The following KCNK9 variants were observed in gnomAD, a reference collection of about 807,000 sequenced individuals.
KCNK9 encodes potassium two pore domain channel subfamily K member 9.
Under a neutral mutation model 10.8 loss-of-function variants are expected in KCNK9, and 1 was observed. That is an observed-to-expected ratio of 0.09 (90% CI 0.03 to 0.44). KCNK9 has a LOEUF of 0.44. KCNK9 is among the 20% of genes least tolerant of loss of function. The pLI is 0.97. For missense variants in KCNK9, 303 were observed against 515.0 expected (o/e 0.59, Z 3.98); for synonymous variants, 231 against 222.7 (o/e 1.04, Z -0.33).
At chr8:139,636,306 C>T (rs1469529444) in intron 1 of KCNK9, among the ~76,000 whole-genome samples, 2 of 152,226 alleles carry the variant, frequency 1.3e-5, no homozygotes, top group Non-Finnish European at 2.9e-5. Context: ...CTGAGATGCC[C>T]GCCCTCTTCT....
intron 1 of KCNK9, among the ~76,000 whole-genome samples, chr8:139,691,654 A>G (rs1816935275): frequency 1.3e-5 from 2 of 152,238 alleles, no homozygotes; most frequent in African/African-American, 4.8e-5. Context: ...GCATGGTTCA[A>G]TAATTAAGTG....
exon 3 of KCNK9, chr8:139,601,284 G>C (rs1006056395): frequency 3.9e-5 from 6 of 152,208 alleles, no homozygotes; most frequent in Admixed American, 3.9e-4. Flanking sequence ...CCTTTAAGAG[G>C]TTGTCTGGGC....
intron 1 of KCNK9, among the ~76,000 whole-genome samples, chr8:139,639,404 C>T (rs976095487): frequency 2.6e-5 from 4 of 152,230 alleles, no homozygotes; most frequent in Non-Finnish European, 5.9e-5. Flanking sequence ...GTGCCTGGCA[C>T]GCTGTCTGGC....
intron 1 of KCNK9, among the ~76,000 whole-genome samples, chr8:139,623,772 G>A (rs1814870263): frequency 6.6e-6 from 1 of 152,128 alleles, no homozygotes; most frequent in African/African-American, 2.4e-5. Flanking sequence ...TCATCATAAA[G>A]GGGTCACTTA....
intron 1 of KCNK9, among the ~76,000 whole-genome samples, chr8:139,649,095 G>A (rs542312102): frequency 2.0e-5 from 3 of 152,208 alleles, no homozygotes; most frequent in East Asian, 1.9e-4. Flanking sequence ...CCCCGACGCC[G>A]TGGCCTCCCC....
At chr8:139,607,981 G>A (rs1192876573), downstream of KCNK9, among the ~76,000 whole-genome samples, 4 of 152,202 alleles carry the variant, frequency 2.6e-5, no homozygotes, top group Non-Finnish European at 5.9e-5. Flanking sequence ...TGCTTAGGAA[G>A]GCCCCTGATG....
chr8:139,628,737 G>A (rs769956620), intron 1 of KCNK9, among the ~76,000 whole-genome samples: 4 of 152,166 alleles, frequency 2.6e-5, no homozygotes, highest in African/African-American at 7.2e-5. Flanking sequence ...TGCCTTAAGG[G>A]GGGAAATGGA....
intron 1 of KCNK9, among the ~76,000 whole-genome samples, chr8:139,631,081 G>T (rs1357061673): frequency 6.6e-6 from 1 of 152,240 alleles, no homozygotes; most frequent in East Asian, 1.9e-4. Flanking sequence ...GCAGGGACAC[G>T]GCCCCGGGTG....
chr8:139,615,415 C>G (rs143006160), downstream of KCNK9, among the ~76,000 whole-genome samples: 1 of 152,032 alleles, frequency 6.6e-6, no homozygotes, highest in Non-Finnish European at 1.5e-5. Context: ...AAGAAAGAAC[C>G]CTGAACCCTT....
chr8:139,610,878 C>T (rs1283252884), downstream of KCNK9, among the ~76,000 whole-genome samples: 1 of 152,248 alleles, frequency 6.6e-6, no homozygotes, highest in African/African-American at 2.4e-5. Context: ...TCATGTCTCC[C>T]AAGAGTGGCA....
intron 1 of KCNK9, among the ~76,000 whole-genome samples, chr8:139,633,126 C>A (rs1815227219): frequency 6.6e-6 from 1 of 151,486 alleles, no homozygotes; most frequent in African/African-American, 2.5e-5. Flanking sequence ...GGTACATACA[C>A]ACAGGCACTC....
intron 1 of KCNK9, among the ~76,000 whole-genome samples, chr8:139,659,889 G>A (rs1453804253): frequency 6.6e-6 from 1 of 151,918 alleles, no homozygotes; most frequent in Non-Finnish European, 1.5e-5. Context: ...CAAGAAAGGG[G>A]AGATAAGATA....
intron 1 of KCNK9, among the ~76,000 whole-genome samples, chr8:139,692,776 C>G (rs549410110): frequency 6.6e-6 from 1 of 152,218 alleles, no homozygotes; most frequent in Non-Finnish European, 1.5e-5. Flanking sequence ...TCAGCTCCCC[C>G]CCACGTCCAA....
intron 2 of KCNK9, among the ~76,000 whole-genome samples, chr8:139,603,363 TCA>T (rs549230496): frequency 6.2e-4 from 94 of 152,260 alleles, no homozygotes; most frequent in African/African-American, 2.3e-3. Flanking sequence ...GGTGTCCTGA[TCA>T]CACAGAGTTC....
At chr8:139,633,480 T>G (rs1815237000) in intron 1 of KCNK9, among the ~76,000 whole-genome samples, 1 of 152,144 alleles carries the variant, frequency 6.6e-6, no homozygotes, top group African/African-American at 2.4e-5. Flanking sequence ...GACACACGAC[T>G]AATAGGTGGC....
chr8:139,639,392 G>A (rs1323278886), intron 1 of KCNK9, among the ~76,000 whole-genome samples: 2 of 152,246 alleles, frequency 1.3e-5, no homozygotes, highest in Non-Finnish European at 2.9e-5. Flanking sequence ...CATTTTGCAA[G>A]TGTGCCTGGC....
intron 1 of KCNK9, among the ~76,000 whole-genome samples, chr8:139,625,972 C>A (rs1025999913): frequency 3.3e-5 from 5 of 152,154 alleles, no homozygotes; most frequent in African/African-American, 1.2e-4. Context: ...AGCATTATTT[C>A]ACTTAAAGAT....
intron 1 of KCNK9, among the ~76,000 whole-genome samples, chr8:139,637,760 TACACACACAC>T (rs34018499): frequency 1.4e-5 from 2 of 146,096 alleles, no homozygotes; most frequent in African/African-American, 2.6e-5. Flanking sequence ...ATTCCTACTC[TACACACACAC>T]ACACACACAC....
At chr8:139,605,576 A>G (rs1817467896) in intron 2 of KCNK9, among the ~76,000 whole-genome samples, 2 of 152,246 alleles carry the variant, frequency 1.3e-5, no homozygotes, top group Admixed American at 6.5e-5. Flanking sequence ...AAGACGAGGC[A>G]TCAAAGCAGG....
Sources: allele counts gnomAD v4.1 joint callset (sites outside exome capture counted in the v4.1 genomes callset), GRCh38; gene constraint gnomAD v4.1.1; transcripts MANE v1.5; gene names NCBI Gene and HGNC (gene_info 2026-07-23, HGNC 2026-07-21).